The following EPHA6 variants were observed in gnomAD, a reference collection of about 807,000 sequenced individuals.
The protein encoded by EPHA6 is EPH receptor A6.
Under a neutral mutation model 112.0 loss-of-function variants are expected in EPHA6, and 50 were observed. The ratio of observed to expected loss-of-function variants is 0.45; its 90% CI spans 0.36 to 0.56. The LOEUF is 0.56. EPHA6 is among the 20% of genes least tolerant of loss of function. The pLI, the probability that EPHA6 is intolerant of heterozygous loss-of-function variation, is 0.00. For missense variants in EPHA6, 1,280 were observed against 1,417.4 expected (o/e 0.90, Z 1.56); for synonymous variants, 529 against 490.7 (o/e 1.08, Z -1.03).
At chr3:97,533,452 C>G (rs995206001) in intron 11 of EPHA6, among the ~76,000 whole-genome samples, 2 of 152,082 alleles carry the variant, frequency 1.3e-5, no homozygotes, top group Admixed American at 1.3e-4. Flanking sequence ...GTCCAACATG[C>G]TACCCAAAAT....
At chr3:96,992,142 TCAACAA>T (rs2043239132) in intron 3 of EPHA6, among the ~76,000 whole-genome samples, 1 of 152,146 alleles carries the variant, frequency 6.6e-6, no homozygotes, top group African/African-American at 2.4e-5. Flanking sequence ...TTTAATTTGA[TCAACAA>T]CGTTATGAAG....
intron 5 of EPHA6, among the ~76,000 whole-genome samples, chr3:97,261,636 T>C (rs890189192): frequency 6.6e-6 from 1 of 152,156 alleles, no homozygotes; most frequent in African/African-American, 2.4e-5. Flanking sequence ...GACCTAATGA[T>C]TTTTAGTGGT....
intron 2 of EPHA6, among the ~76,000 whole-genome samples, chr3:96,968,416 ATT>A (rs1004297947): frequency 6.7e-6 from 1 of 150,152 alleles, no homozygotes; most frequent in Admixed American, 6.6e-5. Context: ...ACACACACAC[ATT>A]CTATGTATTT....
At chr3:97,136,489 G>C (rs1360461932) in intron 3 of EPHA6, among the ~76,000 whole-genome samples, 1 of 152,188 alleles carries the variant, frequency 6.6e-6, no homozygotes, top group Non-Finnish European at 1.5e-5. Context: ...GACCAAGGTA[G>C]GAGGATTGCT....
At chr3:97,551,666 T>C (rs1046244701) in intron 11 of EPHA6, among the ~76,000 whole-genome samples, 5 of 152,312 alleles carry the variant, frequency 3.3e-5, no homozygotes, top group African/African-American at 1.2e-4. Context: ...CTATAGCACC[T>C]CTGTGACTTT....
chr3:97,297,675 A>G (rs1207661257), intron 5 of EPHA6, among the ~76,000 whole-genome samples: 1 of 152,230 alleles, frequency 6.6e-6, no homozygotes, highest in Non-Finnish European at 1.5e-5. Flanking sequence ...ATGGCATACT[A>G]TATCTTGACA....
At chr3:97,479,243 G>A (rs2091460824) in intron 8 of EPHA6, 51 bp from the exon 9 acceptor site, 2 of 1,155,788 alleles carry the variant, frequency 1.7e-6, no homozygotes, top group African/African-American at 1.6e-5. Flanking sequence ...GTTTTGCATT[G>A]TATGCATCAT....
intron 1 of EPHA6, among the ~76,000 whole-genome samples, chr3:96,826,111 A>G (rs893010262): frequency 3.3e-5 from 5 of 151,904 alleles, no homozygotes; most frequent in Non-Finnish European, 7.4e-5. Flanking sequence ...ATCTTTATAC[A>G]GTATCTAGCA....
chr3:96,854,401 A>G (rs1359533992), intron 1 of EPHA6, among the ~76,000 whole-genome samples: 7 of 151,896 alleles, frequency 4.6e-5, no homozygotes, highest in Non-Finnish European at 7.4e-5. Flanking sequence ...GATGGTCTCA[A>G]TCCGTTGACT....
intron 3 of EPHA6, among the ~76,000 whole-genome samples, chr3:97,189,681 G>C (rs2077248808): frequency 1.3e-5 from 2 of 151,862 alleles, no homozygotes; most frequent in Non-Finnish European, 1.5e-5. Context: ...CTCCACTTTG[G>C]AGATTATACA....
intron 5 of EPHA6, among the ~76,000 whole-genome samples, chr3:97,316,172 G>A (rs1369395321): frequency 6.6e-6 from 1 of 151,794 alleles, no homozygotes; most frequent in Non-Finnish European, 1.5e-5. Context: ...CAAGATATGG[G>A]AGAATATGAG....
In EPHA6 at chr3:97,755,406, A is replaced by C. The variant is rs888788031; in HGVS notation, c.*6705A>C. On this transcript the variant is annotated 3_prime_UTR_variant, in exon 18 of 18. Coordinates refer to ENST00000389672, the MANE Select transcript of EPHA6 (RefSeq NM_001080448.3). ...TTATTTGTGACCTCTGGCCATTTTT[A>C]ATTTGTCATAATAAACTCATTTCTG... Among the ~76,000 whole-genome samples the C allele has an allele frequency of 6.6e-6, 1 of 152,188 alleles. No individual in the cohort carries two copies. Among genetic ancestry groups the C allele is most frequent in the African/African-American group, 2.4e-5 (1 of 41,456 alleles).
rs138795883 is a variant in EPHA6 at position 97,451,213 on chromosome 3, A to C, written c.1894+2483A>C. On this transcript the variant is annotated intron_variant, in intron 7 of 17. Transcript: ENST00000389672. ...TATTCAGGATCCATTGGTGAATTCGAATCCTGGATTAACATGACTAGTAAT... is the reference window on the plus strand; with the variant it reads ...TATTCAGGATCCATTGGTGAATTCGCATCCTGGATTAACATGACTAGTAAT... Among the ~76,000 whole-genome samples the C allele has an allele frequency of 5.1e-3, 782 of 152,098 alleles. 9 individuals carry two copies. Among genetic ancestry groups the C allele is most frequent in the Non-Finnish European group, 8.0e-3 (543 of 67,938 alleles).
chr3:97,546,362 T>G, intron 11 of EPHA6, among the ~76,000 whole-genome samples: 1 of 152,182 alleles, frequency 6.6e-6, no homozygotes, highest in Non-Finnish European at 1.5e-5. Flanking sequence ...GGGTTGAAAA[T>G]TCTTTTCTTT....
intron 2 of EPHA6, among the ~76,000 whole-genome samples, chr3:96,959,018 T>C (rs1388636260): frequency 1.3e-5 from 2 of 152,180 alleles, no homozygotes; most frequent in African/African-American, 4.8e-5. Flanking sequence ...TTCTCTTGAG[T>C]ATATACCTAA....
At chr3:97,363,209 T>TCTC in intron 5 of EPHA6, among the ~76,000 whole-genome samples, 2 of 85,832 alleles carry the variant, frequency 2.3e-5, no homozygotes, top group East Asian at 3.8e-4. Context: ...TATATATATA[T>TCTC]ATATATATAT....
At chr3:97,669,432 C>A (rs1373228907) in intron 14 of EPHA6, among the ~76,000 whole-genome samples, 1 of 151,698 alleles carries the variant, frequency 6.6e-6, no homozygotes, top group Non-Finnish European at 1.5e-5. Context: ...AGAGTAGTCT[C>A]TAGACCACCT....
At chr3:97,181,072 G>C (rs2076975427) in intron 3 of EPHA6, among the ~76,000 whole-genome samples, 2 of 152,104 alleles carry the variant, frequency 1.3e-5, no homozygotes, top group Non-Finnish European at 2.9e-5. Context: ...ATTTCCCTCT[G>C]GCTGGTGTTG....
chr3:97,104,130 C>T (rs1234200814), intron 3 of EPHA6, among the ~76,000 whole-genome samples: 1 of 152,062 alleles, frequency 6.6e-6, no homozygotes, highest in Admixed American at 6.6e-5. Context: ...TATTTGGTTG[C>T]CCTTTATTTC....
Sources: gnomAD v4.1 joint callset for allele counts (sites outside exome capture counted in the v4.1 genomes callset) on GRCh38, gnomAD v4.1.1 for gene constraint, MANE v1.5 for transcripts, NCBI Gene and HGNC (gene_info 2026-07-23, HGNC 2026-07-21) for gene names.